LRP6: variants seen among roughly 807,000 people sequenced by gnomAD.
LRP6 encodes LDL receptor related protein 6.
Under a neutral mutation model 184.1 loss-of-function variants are expected in LRP6, and 43 were observed. The ratio of observed to expected loss-of-function variants is 0.23; its 90% confidence interval spans 0.18 to 0.30. The LOEUF (loss-of-function observed/expected upper bound fraction) is 0.30. LRP6 is among the 10% of genes least tolerant of loss of function. The pLI is 1.00. For missense variants in LRP6, 1,571 were observed against 2,005.3 expected (o/e 0.78, Z 4.14); for synonymous variants, 719 against 684.9 (o/e 1.05, Z -0.78).
chr12:12,167,962 A>G (rs1328085504), intron 7 of LRP6, among the ~76,000 whole-genome samples: 1 of 152,212 alleles, frequency 6.6e-6, no homozygotes, highest in East Asian at 1.9e-4. Context: ...AACCAGTGGG[A>G]AACTACACAG....
intron 4 of LRP6, among the ~76,000 whole-genome samples, chr12:12,185,232 G>A (rs775007523): frequency 1.3e-5 from 2 of 152,108 alleles, no homozygotes; most frequent in Non-Finnish European, 1.5e-5. Flanking sequence ...CTGGAAGTTC[G>A]AGGCTGCAGG....
intron 12 of LRP6, 66 bp from the exon 13 acceptor site, chr12:12,151,104 TG>T: frequency 2.5e-5 from 33 of 1,295,572 alleles, no homozygotes; most frequent in Non-Finnish European, 3.5e-5. Context: ...TCCAATGATT[TG>T]ATCAGCCTGT....
At chr12:12,187,491 C>G (rs1863503914) in intron 3 of LRP6, 2 of 293,966 alleles carry the variant, frequency 6.8e-6, no homozygotes, top group African/African-American at 4.3e-5. Flanking sequence ...TTCATGTCAT[C>G]AGACAGAGAA....
intron 3 of LRP6, among the ~76,000 whole-genome samples, chr12:12,201,161 C>T (rs1790796524): frequency 6.6e-6 from 1 of 152,120 alleles, no homozygotes; most frequent in African/African-American, 2.4e-5. Context: ...ATCTTCCCAT[C>T]TTTATCTGAA....
chr12:12,168,502 C>T (rs936464248), intron 7 of LRP6, among the ~76,000 whole-genome samples: 1 of 152,124 alleles, frequency 6.6e-6, no homozygotes, highest in Non-Finnish European at 1.5e-5. Flanking sequence ...TCAAAGGATA[C>T]AGCATCAAGC....
At chr12:12,174,192 A>T (rs1218467516) in intron 7 of LRP6, among the ~76,000 whole-genome samples, 3 of 151,768 alleles carry the variant, frequency 2.0e-5, no homozygotes, top group African/African-American at 7.3e-5. Context: ...GCTCACTGCA[A>T]CCTCCGCCAC....
At chr12:12,158,557 T>C (rs955304831) in intron 12 of LRP6, among the ~76,000 whole-genome samples, 3 of 152,174 alleles carry the variant, frequency 2.0e-5, no homozygotes, top group African/African-American at 7.2e-5. Context: ...ACTCCTGAGC[T>C]GAAGCATTCC....
At chr12:12,229,047 A>G (rs1864704803) in intron 2 of LRP6, among the ~76,000 whole-genome samples, 1 of 152,228 alleles carries the variant, frequency 6.6e-6, no homozygotes, top group South Asian at 2.1e-4. Flanking sequence ...CTGCTAGGAT[A>G]TGACACAAAC....
intron 2 of LRP6, among the ~76,000 whole-genome samples, chr12:12,229,627 T>A (rs1864729472): frequency 6.6e-6 from 1 of 152,236 alleles, no homozygotes; most frequent in Non-Finnish European, 1.5e-5. Context: ...CACTTAACAA[T>A]GAAGTTGCTT....
chr12:12,164,997 C>T (rs1475853221), intron 8 of LRP6, 82 bp downstream of exon 8: 73 of 705,808 alleles, frequency 1.0e-4, no homozygotes, highest in Non-Finnish European at 1.3e-4. Context: ...TGCCTCAAAA[C>T]ATCAATAATT....
chr12:12,205,329 CAAAAAAA>C lies in LRP6; in HGVS notation c.450-1936_450-1930del, dbSNP rs56169717. ...AGAATAAGACTCTGTCTCAAACAAA[CAAAAAAA>C]AAAAAAAAAAAAAAAAAAAAGAGGT... On this transcript the variant is annotated intron_variant, in intron 2 of 22. Coordinates refer to ENST00000261349, the MANE Select transcript of LRP6 (RefSeq NM_002336.3). Among the ~76,000 whole-genome samples, 68 of 39,108 alleles carry C rather than the reference CAAAAAAA, an allele frequency of 1.7e-3. No individual in the cohort carries two copies. In the South Asian group the frequency reaches 0.033, roughly 19 times the overall value. 25.7% of individuals were successfully genotyped at this position (39,108 alleles called of 152,430 possible). A position where few individuals can be genotyped will look rare whatever the true frequency, so the allele number is the denominator to read the frequency against.
chr12:12,219,907 G>C (rs900133498), intron 2 of LRP6, among the ~76,000 whole-genome samples: 2 of 152,306 alleles, frequency 1.3e-5, no homozygotes, highest in East Asian at 1.9e-4. Flanking sequence ...CAAAGAGGAA[G>C]CAGCGACAGA....
chr12:12,203,434 G>C, intron 2 of LRP6, 34 bp from the exon 3 acceptor site: 1 of 1,515,690 alleles, frequency 6.6e-7, no homozygotes, highest in Non-Finnish European at 9.2e-7. Context: ...AGCCATGACA[G>C]AGCAGATATC....
chr12:12,177,957 C>T (rs1358249420), intron 7 of LRP6, among the ~76,000 whole-genome samples: 10 of 151,892 alleles, frequency 6.6e-5, no homozygotes, highest in Non-Finnish European at 1.3e-4. Flanking sequence ...GATGCTGGTA[C>T]CATACAGGGA....
chr12:12,129,090 A>G (rs1949712365), intron 19 of LRP6, among the ~76,000 whole-genome samples: 1 of 152,248 alleles, frequency 6.6e-6, no homozygotes, highest in Non-Finnish European at 1.5e-5. Flanking sequence ...TGTTCTATAT[A>G]ACATGGGTAA....
intron 3 of LRP6, among the ~76,000 whole-genome samples, chr12:12,198,118 C>T (rs561413299): frequency 1.3e-5 from 2 of 152,322 alleles, no homozygotes; most frequent in South Asian, 2.1e-4. Context: ...AGGGTTTCAC[C>T]ATGTTGGCCA....
intron 7 of LRP6, among the ~76,000 whole-genome samples, chr12:12,172,310 C>T (rs116291367): frequency 0.022 from 3,424 of 152,244 alleles, 127 homozygotes; most frequent in African/African-American, 0.077. Context: ...CGTGGGTTAA[C>T]CATAACATTA....
intron 3 of LRP6, among the ~76,000 whole-genome samples, chr12:12,189,058 T>C (rs1863549591): frequency 6.6e-6 from 1 of 152,196 alleles, no homozygotes; most frequent in Non-Finnish European, 1.5e-5. Context: ...TATCATTAAG[T>C]GAAAAGTTGA....
chr12:12,264,063 C>T (rs147793747), intron 1 of LRP6, among the ~76,000 whole-genome samples: 244 of 151,894 alleles, frequency 1.6e-3, no homozygotes, highest in South Asian at 5.0e-3. Flanking sequence ...ATCACTTAAG[C>T]CCAAGACTTT....
Sources: allele counts gnomAD v4.1 joint callset (sites outside exome capture counted in the v4.1 genomes callset), GRCh38; gene constraint gnomAD v4.1.1; transcripts MANE v1.5; gene names NCBI Gene and HGNC (gene_info 2026-07-23, HGNC 2026-07-21).